The following SLK variants were observed in gnomAD, a reference collection of about 807,000 sequenced individuals.
SLK encodes STE20 like kinase.
SLK carries 67 observed loss-of-function variants against 147.7 expected under a neutral mutation model. The observed-to-expected ratio is 0.45, with a 90% CI of 0.37 to 0.56. The LOEUF (loss-of-function observed/expected upper bound fraction) is 0.56. Among genes scored for constraint, SLK ranks in the 20% least tolerant of loss-of-function variants. SLK has a pLI of 0.00. For synonymous variants in SLK, 441 were observed against 475.0 expected, an observed-to-expected ratio of 0.93 and a Z score of 0.93; for missense variants, 1,136 against 1,438.8, an observed-to-expected ratio of 0.79 and a Z score of 3.41.
chr10:104,015,199 C>G (rs1260749090), intron 13 of SLK, among the ~76,000 whole-genome samples: 1 of 152,152 alleles, frequency 6.6e-6, no homozygotes, highest in Non-Finnish European at 1.5e-5. Flanking sequence ...TTCAAGTCTA[C>G]AGCTCTGTAA....
In SLK at chr10:104,028,369, G is replaced by A. The variant is rs1344786476; in HGVS notation, c.*2649G>A. 2 of 152,204 alleles carry A rather than the reference G, an allele frequency of 1.3e-5. No homozygotes were observed. The highest frequency in any genetic ancestry group is 2.4e-5 in the African/African-American group (1 of 41,424). 9.4% of individuals were successfully genotyped at this position (152,204 alleles called of 1,614,324 possible). A position where few individuals can be genotyped will look rare whatever the true frequency, so the allele number is the denominator to read the frequency against. On this transcript the variant is annotated 3_prime_UTR_variant, in exon 19 of 19. Transcript: ENST00000369755. ...CTCCTACAGCTTGGGGCACTAGGCT[G>A]CCTTTCCTAGTCCTGTCAACAACCA...
intron 11 of SLK, 104 bp downstream of exon 11, chr10:104,006,139 ATT>A: frequency 8.6e-7 from 1 of 1,160,170 alleles, no homozygotes; most frequent in Non-Finnish European, 1.2e-6. Context: ...TTGTTCTCTG[ATT>A]GCCAGATTTC....
At chr10:104,001,337 C>T in intron 7 of SLK, 107 bp from the exon 8 acceptor site, 1 of 857,724 alleles carries the variant, frequency 1.2e-6, no homozygotes, top group East Asian at 2.5e-5. Context: ...CATTTTCCTG[C>T]CCACATGTTC....
In SLK at chr10:104,003,108, G is replaced by C. The variant is rs2134499319; in HGVS notation, c.1930G>C (p.Glu644Gln). Residue 644 changes from glutamate to glutamine, a missense_variant, in exon 9 of 19, where the codon GAG becomes CAG. By Grantham distance (29) the Glu-to-Gln change is conservative. Coordinates refer to ENST00000369755, the MANE Select transcript of SLK (RefSeq NM_014720.4). The stretch of plus-strand genomic sequence containing the variant: ...AACAACTGAAGGTGAAGAAATCACT[G>C]AGTCAAGTAGCACTGAAGAAATGGA... ...PGTTEGEEIT[E>Q]SSSTEEMEVR... is the part of the protein sequence containing the mutation. The C allele has an allele frequency of 3.7e-6, 6 of 1,614,168 alleles. No homozygotes were observed. The African/African-American group carries it at 5.3e-5, about 14-fold the overall frequency.
Position 104,025,731 on chromosome 10 carries a change from C to T in SLK, c.*11C>T, listed in dbSNP as rs776307219. The T allele has an allele frequency of 3.1e-6, 5 of 1,613,322 alleles. 1 individual carries two copies. Among genetic ancestry groups the T allele is most frequent in the Non-Finnish European group, 2.5e-6 (3 of 1,179,544 alleles). Reference sequence around the variant, plus strand: ...TCCACCGGATCATAACAAAGGGAAGCATTCTGTGCGTGGGTTTGGCTCTTT... The same window carrying T: ...TCCACCGGATCATAACAAAGGGAAGTATTCTGTGCGTGGGTTTGGCTCTTT... On this transcript the variant is annotated 3_prime_UTR_variant, in exon 19 of 19. Coordinates refer to ENST00000369755, the MANE Select transcript of SLK (RefSeq NM_014720.4).
chr10:103,967,971 C>A, intron 1 of SLK, 76 bp downstream of exon 1: 1 of 1,439,614 alleles, frequency 6.9e-7, no homozygotes, highest in Non-Finnish European at 9.7e-7. Context: ...AGGACTTCTG[C>A]TCCCCTGGTC....
At chr10:104,022,483 G>T (rs535527365) in intron 18 of SLK, among the ~76,000 whole-genome samples, 1 of 152,106 alleles carries the variant, frequency 6.6e-6, no homozygotes, top group Non-Finnish European at 1.5e-5. Context: ...CTTTGTTTTG[G>T]GGGGAGCTTC....
At chr10:103,973,414 G>T (rs79149217) in intron 1 of SLK, among the ~76,000 whole-genome samples, 4,922 of 152,266 alleles carry the variant, frequency 0.032, 251 homozygotes, top group African/African-American at 0.11. Flanking sequence ...AATTAGGAAA[G>T]AATTAAAATA....
intron 13 of SLK, among the ~76,000 whole-genome samples, chr10:104,017,917 GC>G (rs1844485041): frequency 6.6e-6 from 1 of 152,168 alleles, no homozygotes; most frequent in Non-Finnish European, 1.5e-5. Context: ...TGGGCTATAT[GC>G]TTATTCTGTA....
intron 1 of SLK, among the ~76,000 whole-genome samples, chr10:103,970,831 A>G (rs1467757694): frequency 6.6e-6 from 1 of 152,188 alleles, no homozygotes; most frequent in Non-Finnish European, 1.5e-5. Context: ...CCCATTTCCC[A>G]AATGCTTGGG....
At chr10:103,997,182 T>G (rs1844185973) in intron 4 of SLK, among the ~76,000 whole-genome samples, 1 of 152,200 alleles carries the variant, frequency 6.6e-6, no homozygotes. Context: ...ACAACATTTG[T>G]CCTTTTGTGA....
chr10:104,005,629 T>C lies in SLK; in HGVS notation c.2418T>C (p.Ser806=). ...TTATTGTTGATGGTGTAGAAGTGAGTGTAACAACATCAAAGATAGTTACAG... is the reference window on the plus strand; with the variant it reads ...TTATTGTTGATGGTGTAGAAGTGAGCGTAACAACATCAAAGATAGTTACAG... The part of the protein sequence containing the change: ...RKFIVDGVEV[S]VTTSKIVTDS... Residue 806 remains serine, a synonymous_variant, in exon 10 of 19, where the codon AGT becomes AGC. Transcript: ENST00000369755. 6.2e-7 allele frequency: 1 copy of C among 1,609,614 alleles called. No individual in the cohort carries two copies. Among genetic ancestry groups the C allele is most frequent in the Non-Finnish European group, 8.5e-7 (1 of 1,177,496 alleles).
intron 13 of SLK, among the ~76,000 whole-genome samples, chr10:104,016,036 A>C (rs1844458217): frequency 6.6e-6 from 1 of 152,006 alleles, no homozygotes; most frequent in African/African-American, 2.4e-5. Context: ...TTTACAGTTG[A>C]GGCTGGGCGC....
At chr10:103,974,014 C>G (rs1482920346) in intron 1 of SLK, among the ~76,000 whole-genome samples, 4 of 152,152 alleles carry the variant, frequency 2.6e-5, no homozygotes, top group African/African-American at 9.7e-5. Context: ...CCATCTTTTT[C>G]TCTTAATAGC....
rs544469688 is a variant in SLK at position 104,002,175 on chromosome 10, A to T, written c.997A>T (p.Ile333Leu). 1 of 1,567,502 alleles carries T rather than the reference A, an allele frequency of 6.4e-7. No individual in the cohort carries two copies. The highest frequency in any genetic ancestry group is 2.3e-5 in the East Asian group (1 of 44,362). ...EEEETENSLP[I>L]PASKRASSDL... ...AAATACATTAAATCTTTTTTAGCCA[A>T]TACCTGCAAGTAAGCGTGCATCTTC... The change falls in exon 9 of 19, where the codon ATA becomes TTA. Residue 333 changes from isoleucine (I) to leucine (L), a missense_variant. Coordinates refer to ENST00000369755, the MANE Select transcript of SLK (RefSeq NM_014720.4).
In SLK at chr10:103,967,666, G is replaced by C; in HGVS notation, c.-80G>C. The C allele has an allele frequency of 7.7e-7, 1 of 1,297,408 alleles. No homozygotes were observed. Among genetic ancestry groups the C allele is most frequent in the Non-Finnish European group, 1.0e-6 (1 of 978,094 alleles). The allele number at this position is 1,297,408 out of a possible 1,614,324, so 80.4% of individuals were successfully genotyped here. On this transcript the variant is annotated 5_prime_UTR_variant, in exon 1 of 19. Coordinates refer to ENST00000369755, the MANE Select transcript of SLK (RefSeq NM_014720.4). ...GCCCGCCGCCGCCAGCCGGGCTCGC[G>C]CGGGAGAGCAGGGAAGAGAAACTTT...
chr10:104,005,446 A>G, intron 9 of SLK, 115 bp from the exon 10 acceptor site: 4 of 865,922 alleles, frequency 4.6e-6, no homozygotes, highest in Non-Finnish European at 7.0e-6. Context: ...TGTAGTCTGC[A>G]TGGCTGTTCA....
intron 4 of SLK, among the ~76,000 whole-genome samples, chr10:103,996,142 G>T (rs1189685783): frequency 6.6e-6 from 1 of 152,122 alleles, no homozygotes; most frequent in Non-Finnish European, 1.5e-5. Flanking sequence ...TTCTTACATA[G>T]TGATAACAGT....
intron 7 of SLK, among the ~76,000 whole-genome samples, chr10:104,000,247 AT>A (rs1189765892): frequency 6.6e-6 from 1 of 152,196 alleles, no homozygotes; most frequent in Non-Finnish European, 1.5e-5. Context: ...CCGTGAACTA[AT>A]TAATTAAAAA....
Sources: gnomAD v4.1 joint callset for allele counts (sites outside exome capture counted in the v4.1 genomes callset) on GRCh38, gnomAD v4.1.1 for gene constraint, MANE v1.5 for transcripts, NCBI Gene and HGNC (gene_info 2026-07-23, HGNC 2026-07-21) for gene names.